The following CLIC5 variants were observed in gnomAD, a reference collection of about 807,000 sequenced individuals.
The protein encoded by CLIC5 is chloride intracellular channel protein 5.
A neutral mutation model predicts 24.7 loss-of-function variants in CLIC5; 20 were observed. That is an observed-to-expected ratio of 0.81 (90% CI 0.57 to 1.18). The LOEUF is 1.18. CLIC5 is among the 50% of genes most tolerant of loss of function. CLIC5 has a pLI of 0.00. For missense variants in CLIC5, 341 were observed against 326.1 expected (o/e 1.05, Z -0.35); for synonymous variants, 159 against 135.6 (o/e 1.17, Z -1.20).
chr6:46,006,143 T>C lies in CLIC5; in HGVS notation c.63+9337A>G, dbSNP rs1368173282. On this transcript the variant is annotated intron_variant, in intron 1 of 5. Coordinates refer to ENST00000339561, the MANE Select transcript of CLIC5 (RefSeq NM_016929.5). ...GTATAAATACATATATATATATATA[T>C]ATATATATATATATATATTTAGATG... 6.3e-4 allele frequency among the ~76,000 whole-genome samples: 41 copies of C among 64,990 alleles called. 2 individuals are homozygous for C. The highest frequency in any genetic ancestry group is 2.6e-3 in the African/African-American group (41 of 15,974). The allele number at this position is 64,990 out of a possible 152,430, so 42.6% of individuals were successfully genotyped here. A position where few individuals can be genotyped will look rare whatever the true frequency, so the allele number is the denominator to read the frequency against.
At chr6:46,106,928 C>G in the CLIC5 span, among the ~76,000 whole-genome samples, 1 of 152,214 alleles carries the variant, frequency 6.6e-6, no homozygotes, top group Admixed American at 6.5e-5. Flanking sequence ...TTAATGGTCT[C>G]ATGACTAAAA....
chr6:45,950,296 C>T (rs771794359), intron 2 of CLIC5, among the ~76,000 whole-genome samples: 14 of 151,950 alleles, frequency 9.2e-5, no homozygotes, highest in Non-Finnish European at 1.8e-4. Context: ...TACAGTGGCT[C>T]ATGCCTGTAA....
intron 1 of CLIC5, among the ~76,000 whole-genome samples, chr6:46,065,077 A>G (rs1762403847): frequency 6.6e-6 from 1 of 152,200 alleles, no homozygotes; most frequent in Admixed American, 6.5e-5. Context: ...ATTTAATAGT[A>G]ATAAGATCAA....
At chr6:45,922,661 C>T (rs1763309467) in intron 4 of CLIC5, among the ~76,000 whole-genome samples, 1 of 152,078 alleles carries the variant, frequency 6.6e-6, no homozygotes, top group Non-Finnish European at 1.5e-5. Context: ...ACTCCAGATC[C>T]AAATAATTTT....
chr6:46,109,846 C>T, the CLIC5 span, among the ~76,000 whole-genome samples: 1 of 149,772 alleles, frequency 6.7e-6, no homozygotes. Flanking sequence ...GAAGCTGAGG[C>T]AGGGCTTGCA....
the CLIC5 span, among the ~76,000 whole-genome samples, chr6:46,122,492 T>C: frequency 2.7e-4 from 41 of 152,174 alleles, no homozygotes; most frequent in African/African-American, 9.4e-4. Context: ...AGACATAAAA[T>C]TGACACCCTA....
the CLIC5 span, among the ~76,000 whole-genome samples, chr6:46,093,104 C>T: frequency 6.6e-6 from 1 of 152,180 alleles, no homozygotes; most frequent in Non-Finnish European, 1.5e-5. Flanking sequence ...TCATGACCCA[C>T]ATAAGAGATG....
At chr6:45,908,219 C>A (rs1259940282) in intron 5 of CLIC5, among the ~76,000 whole-genome samples, 1 of 152,060 alleles carries the variant, frequency 6.6e-6, no homozygotes, top group Non-Finnish European at 1.5e-5. Flanking sequence ...TTTCAAAAAA[C>A]CAACTTTTGG....
chr6:46,090,241 G>A, the CLIC5 span, among the ~76,000 whole-genome samples: 1 of 152,186 alleles, frequency 6.6e-6, no homozygotes, highest in Non-Finnish European at 1.5e-5. Context: ...GGGATCAGGT[G>A]TGAAATCACC....
intron 1 of CLIC5, among the ~76,000 whole-genome samples, chr6:45,974,518 TATATAGAGAGAGAG>T (rs1171379408): frequency 0.01 from 844 of 84,054 alleles, 6 homozygotes; most frequent in Non-Finnish European, 0.013. Flanking sequence ...TATATATATA[TATATAGAGAGAGAG>T]AGAGAGAGAG....
intron 1 of CLIC5, among the ~76,000 whole-genome samples, chr6:46,032,788 C>T (rs1198120023): frequency 1.3e-5 from 2 of 152,150 alleles, no homozygotes; most frequent in Non-Finnish European, 2.9e-5. Context: ...GGGCTGGTCA[C>T]ACCTGCATCT....
chr6:46,048,731 A>G (rs1429264481), intron 1 of CLIC5, among the ~76,000 whole-genome samples: 1 of 151,960 alleles, frequency 6.6e-6, no homozygotes, highest in African/African-American at 2.4e-5. Flanking sequence ...ACACAATTCA[A>G]TATAGTTTAA....
intron 1 of CLIC5, among the ~76,000 whole-genome samples, chr6:45,961,041 T>A (rs1297871695): frequency 6.6e-6 from 1 of 152,240 alleles, no homozygotes; most frequent in East Asian, 1.9e-4. Context: ...TCACTCCTGA[T>A]TGGACCCAGA....
chr6:46,074,466 C>A (rs1199207001), intron 1 of CLIC5, among the ~76,000 whole-genome samples: 1 of 152,150 alleles, frequency 6.6e-6, no homozygotes, highest in East Asian at 1.9e-4. Context: ...GGCTATGAGT[C>A]TAAAAAGTAT....
Position 45,898,775 on chromosome 6 carries a change from A to G in CLIC5, c.*4313T>C, listed in dbSNP as rs954900650. ...AGGACAACGAGGTGGCCAGGAAAGT[A>G]AGACAAATTCAAACATCAGCTGGAT... On this transcript the variant is annotated 3_prime_UTR_variant, in exon 6 of 6. Coordinates refer to ENST00000339561, the MANE Select transcript of CLIC5 (RefSeq NM_016929.5). The G allele has an allele frequency of 6.6e-6, 1 of 152,662 alleles. No homozygotes were observed. The highest frequency in any genetic ancestry group is 1.9e-4 in the East Asian group (1 of 5,198). 9.5% of individuals were successfully genotyped at this position (152,662 alleles called of 1,614,324 possible).
chr6:45,881,894 G>A (rs988094609), intron 6 of CLIC5, among the ~76,000 whole-genome samples: 3 of 152,098 alleles, frequency 2.0e-5, no homozygotes, highest in South Asian at 2.1e-4. Context: ...TGTCGAACTC[G>A]TGAACTTGGA....
intron 1 of CLIC5, among the ~76,000 whole-genome samples, chr6:46,002,935 A>C (rs1396909633): frequency 6.6e-6 from 1 of 152,210 alleles, no homozygotes; most frequent in Non-Finnish European, 1.5e-5. Flanking sequence ...ATGCCTTCTG[A>C]TTTAGCGCAG....
upstream of CLIC5, among the ~76,000 whole-genome samples, chr6:46,020,855 A>AT (rs1767156822): frequency 6.6e-6 from 1 of 152,024 alleles, no homozygotes; most frequent in Non-Finnish European, 1.5e-5. Flanking sequence ...GACTAACAAA[A>AT]TTCACTCAAT....
At chr6:45,922,745 T>G (rs1251476091) in intron 4 of CLIC5, among the ~76,000 whole-genome samples, 1 of 152,140 alleles carries the variant, frequency 6.6e-6, no homozygotes, top group Non-Finnish European at 1.5e-5. Context: ...AGTTTCCTTT[T>G]GTGTACTCAT....
Sources: gnomAD v4.1 joint callset for allele counts (sites outside exome capture counted in the v4.1 genomes callset) on GRCh38, gnomAD v4.1.1 for gene constraint, MANE v1.5 for transcripts, NCBI Gene and HGNC (gene_info 2026-07-23, HGNC 2026-07-21) for gene names.